Variants in PTPRD observed in about 807,000 individuals in gnomAD.
PTPRD encodes protein tyrosine phosphatase receptor type D.
PTPRD carries 34 observed loss-of-function variants against 214.5 expected under a neutral mutation model. The observed-to-expected ratio is 0.16, with a 90% CI of 0.12 to 0.21. The LOEUF is 0.21. Among genes scored for constraint, PTPRD ranks in the 10% least tolerant of loss-of-function variants. PTPRD has a pLI of 1.00. For synonymous variants in PTPRD, 1,128 were observed against 845.7 expected (o/e 1.33, Z -5.79); for missense variants, 2,545 against 2,398.7 (o/e 1.06, Z -1.27).
chr9:9,197,813 G>C lies in PTPRD; in HGVS notation c.-202-14450C>G, dbSNP rs181636952. Among the ~76,000 whole-genome samples, 574 of 152,240 alleles carry C rather than the reference G, an allele frequency of 3.8e-3. 6 individuals are homozygous for C. The Middle Eastern group carries it at 0.041, about 11-fold the overall frequency. On this transcript the variant is annotated intron_variant, in intron 9 of 45. Transcript: ENST00000381196. ...GATACTCAATAAATGATTTTTGAAG[G>C]AATGAATGTTCCCTTTCTGTATTTC...
chr9:8,831,182 G>A (rs554951965), intron 11 of PTPRD, among the ~76,000 whole-genome samples: 1 of 152,062 alleles, frequency 6.6e-6, no homozygotes, highest in Non-Finnish European at 1.5e-5. Flanking sequence ...GTTGCGGAAT[G>A]GTTTTTATTA....
At chr9:10,061,280 A>G (rs1002835841) in intron 3 of PTPRD, among the ~76,000 whole-genome samples, 1 of 152,024 alleles carries the variant, frequency 6.6e-6, no homozygotes, top group Non-Finnish European at 1.5e-5. Flanking sequence ...GAAGAAAAAT[A>G]TATAACTTGT....
chr9:9,652,058 G>C (rs945704877), intron 7 of PTPRD, among the ~76,000 whole-genome samples: 5 of 151,702 alleles, frequency 3.3e-5, no homozygotes, highest in African/African-American at 9.7e-5. Flanking sequence ...AGCCAGGATG[G>C]GCTCAATCTA....
intron 39 of PTPRD, among the ~76,000 whole-genome samples, chr9:8,351,194 C>T (rs1214314392): frequency 2.6e-5 from 4 of 152,088 alleles, no homozygotes; most frequent in Non-Finnish European, 4.4e-5. Context: ...CATTGTCAAG[C>T]CCACTTAAAT....
chr9:9,366,351 C>G (rs1001306833), intron 9 of PTPRD, among the ~76,000 whole-genome samples: 1 of 151,252 alleles, frequency 6.6e-6, no homozygotes, highest in Non-Finnish European at 1.5e-5. Flanking sequence ...TATAAATAAA[C>G]AGCACTGACC....
rs746383829 is a variant in PTPRD at position 9,024,338 on chromosome 9, G to GTTTT, written c.-142-5607_-142-5604dup. Among the ~76,000 whole-genome samples, 46 of 61,352 alleles carry GTTTT rather than the reference G, an allele frequency of 7.5e-4. 1 individual carries two copies. The highest frequency in any genetic ancestry group is 1.2e-3 in the African/African-American group (23 of 18,560). 40.2% of individuals were successfully genotyped at this position (61,352 alleles called of 152,430 possible). A position where few individuals can be genotyped will look rare whatever the true frequency, so the allele number is the denominator to read the frequency against. On this transcript the variant is annotated intron_variant, in intron 10 of 45. Coordinates refer to ENST00000381196, the MANE Select transcript of PTPRD (RefSeq NM_002839.4). Reference sequence around the variant, plus strand: ...TCGAAAAGGCTATTGTCGATTCTTTGTTTTTTTTTGTTTGTTTTTTTTTTT... The same window carrying GTTTT: ...TCGAAAAGGCTATTGTCGATTCTTTGTTTTTTTTTTTTTGTTTGTTTTTTTTTTT...
At chr9:10,269,376 T>C (rs1227647207) in intron 3 of PTPRD, among the ~76,000 whole-genome samples, 1 of 152,046 alleles carries the variant, frequency 6.6e-6, no homozygotes. Flanking sequence ...GTAATATTTT[T>C]GTTTGTTTGT....
chr9:8,747,695 C>A (rs1014371919), intron 11 of PTPRD, among the ~76,000 whole-genome samples: 1 of 152,054 alleles, frequency 6.6e-6, no homozygotes, highest in Admixed American at 6.6e-5. Flanking sequence ...GGCTAGCCAC[C>A]GAAGAAGGAA....
rs147893717 is a variant in PTPRD, at chr9:8,624,953, T to C, written c.352+8364A>G. Among the ~76,000 whole-genome samples, 7 of 151,962 alleles carry C rather than the reference T, an allele frequency of 4.6e-5. No homozygotes were observed. The East Asian group carries it at 1.4e-3, about 30-fold the overall frequency. On this transcript the variant is annotated intron_variant, in intron 14 of 45. Transcript: ENST00000381196. The stretch of plus-strand genomic sequence containing the variant: ...AAGACTCATTCTTACCCAAATGGTC[T>C]CTTAATGCATTGTATCTACATAACC...
chr9:8,434,973 A>G (rs531426433), intron 35 of PTPRD, among the ~76,000 whole-genome samples: 1 of 152,326 alleles, frequency 6.6e-6, no homozygotes, highest in South Asian at 2.1e-4. Context: ...TCCGGTGTGA[A>G]TTTTCCTAGC....
chr9:9,635,103 G>C (rs2095716213), intron 7 of PTPRD, among the ~76,000 whole-genome samples: 1 of 152,148 alleles, frequency 6.6e-6, no homozygotes. Flanking sequence ...TAGAGATACA[G>C]TGTCCATCTA....
intron 7 of PTPRD, among the ~76,000 whole-genome samples, chr9:9,653,925 T>C (rs1171517235): frequency 6.6e-6 from 1 of 152,192 alleles, no homozygotes; most frequent in Non-Finnish European, 1.5e-5. Context: ...ATGATGTTTC[T>C]GGTGGTTTTT....
At chr9:9,605,634 T>C (rs1264953425) in intron 7 of PTPRD, among the ~76,000 whole-genome samples, 2 of 152,090 alleles carry the variant, frequency 1.3e-5, no homozygotes, top group African/African-American at 4.8e-5. Flanking sequence ...ATTTGTGTTT[T>C]AGGTCATCAA....
chr9:8,978,858 C>A (rs987425632), intron 11 of PTPRD, among the ~76,000 whole-genome samples: 3 of 152,174 alleles, frequency 2.0e-5, no homozygotes, highest in African/African-American at 7.2e-5. Context: ...ACCTGCTTCA[C>A]TTTACTGCTA....
intron 8 of PTPRD, among the ~76,000 whole-genome samples, chr9:9,461,832 G>A (rs912645944): frequency 1.3e-5 from 2 of 152,162 alleles, no homozygotes; most frequent in African/African-American, 2.4e-5. Flanking sequence ...GAGCCTTTCT[G>A]TAGGCTTCTC....
At chr9:10,342,006 C>CTT (rs2096949507) in intron 2 of PTPRD, among the ~76,000 whole-genome samples, 1 of 151,948 alleles carries the variant, frequency 6.6e-6, no homozygotes, top group Non-Finnish European at 1.5e-5. Context: ...ACTGCTGTGG[C>CTT]TTAAGTGTAT....
intron 5 of PTPRD, among the ~76,000 whole-genome samples, chr9:9,897,161 C>CA (rs765296362): frequency 8.6e-4 from 129 of 150,438 alleles, no homozygotes; most frequent in Non-Finnish European, 1.6e-3. Context: ...CACACACACA[C>CA]CGCTGCTAAA....
chr9:8,729,827 A>G lies in PTPRD; in HGVS notation c.64+3953T>C, dbSNP rs1225571681. ...CTGCCCATCAGGAAATACTTAAGAT[A>G]GCAAATGATTATCTTACAACACAGA... On this transcript the variant is annotated intron_variant, in intron 12 of 45. Coordinates refer to ENST00000381196, the MANE Select transcript of PTPRD (RefSeq NM_002839.4). 2.6e-5 allele frequency among the ~76,000 whole-genome samples: 4 copies of G among 152,238 alleles called. No individual in the cohort carries two copies. The South Asian group carries it at 6.2e-4, about 24-fold the overall frequency.
chr9:9,696,978 G>C (rs117192945), intron 7 of PTPRD, among the ~76,000 whole-genome samples: 2,194 of 151,936 alleles, frequency 0.014, 24 homozygotes, highest in Non-Finnish European at 0.023. Flanking sequence ...TCTTCTGTGA[G>C]GCTTACAAAA....
Sources: allele counts gnomAD v4.1 joint callset (sites outside exome capture counted in the v4.1 genomes callset), GRCh38; gene constraint gnomAD v4.1.1; transcripts MANE v1.5; gene names NCBI Gene and HGNC (gene_info 2026-07-23, HGNC 2026-07-21).